TMEM273: variants seen among roughly 807,000 people sequenced by gnomAD.
TMEM273 encodes transmembrane protein 273, also known as chromosome 10 open reading frame 128.
In TMEM273, 19 loss-of-function variants were observed where a neutral mutation model predicts 17.9. The ratio of observed to expected loss-of-function variants is 1.06; its 90% CI spans 0.74 to 1.55. The LOEUF is 1.55. Ranked by LOEUF, TMEM273 falls within the 40% of genes most tolerant of loss-of-function variation. The pLI, the probability that TMEM273 is intolerant of heterozygous loss-of-function variation, is 0.00. For missense variants in TMEM273, 194 were observed against 155.6 expected (o/e 1.25, Z -1.31); for synonymous variants, 66 against 62.0 (o/e 1.07, Z -0.31).
At chr10:49,170,276 C>A (rs538784808) in intron 1 of TMEM273, among the ~76,000 whole-genome samples, 1 of 152,298 alleles carries the variant, frequency 6.6e-6, no homozygotes, top group Non-Finnish European at 1.5e-5. Flanking sequence ...AAGGCCCCAG[C>A]CCTGGCCTTG....
intron 5 of TMEM273, among the ~76,000 whole-genome samples, chr10:49,163,289 A>ATGTGTGTG (rs34654322): frequency 1.3e-5 from 2 of 150,558 alleles, no homozygotes; most frequent in East Asian, 3.9e-4. Context: ...GAATATGTGC[A>ATGTGTGTG]TGTGTGTGTG....
chr10:49,165,900 T>C, intron 3 of TMEM273, 104 bp from the exon 4 acceptor site: 1 of 1,499,534 alleles, frequency 6.7e-7, no homozygotes, highest in Non-Finnish European at 9.2e-7. Context: ...TCACTCACGG[T>C]TGCCCTCGAG....
intron 6 of TMEM273, 179 bp from the exon 7 acceptor site, chr10:49,156,088 T>A (rs1590169447): frequency 1.9e-6 from 3 of 1,543,556 alleles, no homozygotes; most frequent in Non-Finnish European, 2.6e-6. Context: ...GGCTTCTGGG[T>A]AAAGGGGAGA....
chr10:49,172,963 T>C (rs1590221499), intron 1 of TMEM273, among the ~76,000 whole-genome samples: 4 of 152,202 alleles, frequency 2.6e-5, no homozygotes, highest in Admixed American at 2.0e-4. Flanking sequence ...CTGTCAACTG[T>C]GATTGGTCAA....
intron 1 of TMEM273, among the ~76,000 whole-genome samples, chr10:49,177,988 G>T (rs1315431728): frequency 6.6e-6 from 1 of 152,180 alleles, no homozygotes; most frequent in Non-Finnish European, 1.5e-5. Context: ...CCCTGCTGGT[G>T]TGGCCTGGGA....
At chr10:49,170,839 C>T (rs746851469) in intron 1 of TMEM273, among the ~76,000 whole-genome samples, 18 of 152,206 alleles carry the variant, frequency 1.2e-4, no homozygotes, top group Non-Finnish European at 8.8e-5. Flanking sequence ...GGCCCCACCC[C>T]TGCATCCTGC....
intron 5 of TMEM273, among the ~76,000 whole-genome samples, chr10:49,162,298 C>G (rs1662804240): frequency 6.6e-6 from 1 of 152,292 alleles, no homozygotes; most frequent in African/African-American, 2.4e-5. Context: ...CATGCACATA[C>G]ACACACATAT....
intron 1 of TMEM273, among the ~76,000 whole-genome samples, chr10:49,175,707 G>A (rs1846909666): frequency 6.6e-6 from 1 of 152,256 alleles, no homozygotes; most frequent in African/African-American, 2.4e-5. Flanking sequence ...CTCCAAGGGG[G>A]CAGGGCCCCC....
chr10:49,168,069 C>A, intron 1 of TMEM273, 107 bp from the exon 2 acceptor site: 1 of 1,355,148 alleles, frequency 7.4e-7, no homozygotes, highest in Admixed American at 1.8e-5. Context: ...CCACCAGGAG[C>A]ACAGAGGTGG....
chr10:49,166,814 C>T (rs1330396711), intron 3 of TMEM273, 55 bp downstream of exon 3: 3 of 1,607,450 alleles, frequency 1.9e-6, no homozygotes, highest in East Asian at 2.2e-5. Context: ...CACAGAGTGG[C>T]CCTCGGTGCC....
At chr10:49,186,053 G>GGAC (rs1847660212) in intron 1 of TMEM273, among the ~76,000 whole-genome samples, 1 of 26,624 alleles carries the variant, frequency 3.8e-5, no homozygotes. Context: ...AAGAAGAAGA[G>GGAC]GAAGAAGAAG....
At chr10:49,182,355 G>C (rs117917947) in intron 1 of TMEM273, among the ~76,000 whole-genome samples, 2 of 151,728 alleles carry the variant, frequency 1.3e-5, no homozygotes, top group East Asian at 3.9e-4. Flanking sequence ...AGATAAAAAC[G>C]AATTTAATTC....
chr10:49,175,940 T>G (rs962586964), intron 1 of TMEM273, among the ~76,000 whole-genome samples: 1 of 152,106 alleles, frequency 6.6e-6, no homozygotes, highest in African/African-American at 2.4e-5. Flanking sequence ...GAGAAAGGAC[T>G]TGCCCCACCT....
At chr10:49,182,878 G>A (rs867554688) in intron 1 of TMEM273, among the ~76,000 whole-genome samples, 1 of 152,144 alleles carries the variant, frequency 6.6e-6, no homozygotes, top group Middle Eastern at 3.2e-3. Flanking sequence ...AGACAGCTGA[G>A]AAGGACAGTG....
At chr10:49,183,942 CAA>C (rs11326591) in intron 1 of TMEM273, among the ~76,000 whole-genome samples, 34,725 of 148,826 alleles carry the variant, frequency 0.23, 4,983 homozygotes, top group African/African-American at 0.39. Flanking sequence ...TCAGCTATAG[CAA>C]AAAAAAAAAA....
At chr10:49,171,149 C>T (rs1303568795) in intron 1 of TMEM273, among the ~76,000 whole-genome samples, 3 of 152,244 alleles carry the variant, frequency 2.0e-5, no homozygotes, top group Non-Finnish European at 4.4e-5. Context: ...TCCTAGGGGA[C>T]TGAGGTAAGG....
chr10:49,187,261 A>G (rs1336891668), intron 1 of TMEM273, among the ~76,000 whole-genome samples: 3 of 152,066 alleles, frequency 2.0e-5, no homozygotes, highest in African/African-American at 4.8e-5. Context: ...TCCATGTGTA[A>G]ACTGATGGAT....
intron 5 of TMEM273, among the ~76,000 whole-genome samples, chr10:49,164,126 T>C (rs185344830): frequency 2.7e-4 from 41 of 152,246 alleles, no homozygotes; most frequent in African/African-American, 8.7e-4. Flanking sequence ...ACATCTCCTC[T>C]ACATGGAAGT....
rs556648091 is a variant in TMEM273, at chr10:49,180,665, A to G, written c.43+7629T>C. Among the ~76,000 whole-genome samples, 3 of 152,326 alleles carry G rather than the reference A, an allele frequency of 2.0e-5. No homozygotes were observed. The East Asian group carries it at 5.8e-4, about 29-fold the overall frequency. On this transcript the variant is annotated intron_variant, in intron 1 of 6. Coordinates refer to ENST00000374153, the MANE Select transcript of TMEM273 (RefSeq NM_001288740.3). The stretch of plus-strand genomic sequence containing the variant: ...AATCTCTATTTGAATGAAAAAAAAA[A>G]TCAACAGATGCCATCACCTCGATGA...
Sources: gnomAD v4.1 joint callset for allele counts (sites outside exome capture counted in the v4.1 genomes callset) on GRCh38, gnomAD v4.1.1 for gene constraint, MANE v1.5 for transcripts, NCBI Gene and HGNC (gene_info 2026-07-23, HGNC 2026-07-21) for gene names.